Variants in PABPN1L observed in about 807,000 individuals in gnomAD.
PABPN1L encodes the protein PABPN1 like, cytoplasmic.
In PABPN1L, 45 loss-of-function variants were observed where a neutral mutation model predicts 34.0. That is an observed-to-expected ratio of 1.32 (90% CI 1.04 to 1.70). PABPN1L has a LOEUF of 1.70. PABPN1L is among the 40% of genes most tolerant of loss of function. The probability of loss-of-function intolerance (pLI) is 0.00; values close to 1 mark genes in which losing one functional copy is unlikely to be tolerated. For synonymous variants in PABPN1L, 182 were observed against 152.1 expected (o/e 1.20, Z -1.45); for missense variants, 459 against 367.8 (o/e 1.25, Z -2.03).
chr16:88,867,511 G>T (rs913448597), upstream of PABPN1L, among the ~76,000 whole-genome samples: 1 of 152,184 alleles, frequency 6.6e-6, no homozygotes, highest in South Asian at 2.1e-4. Context: ...GATTACAGGC[G>T]TGAGCACCGC....
upstream of PABPN1L, among the ~76,000 whole-genome samples, chr16:88,869,793 C>G (rs917256508): frequency 2.6e-5 from 4 of 152,262 alleles, no homozygotes; most frequent in Non-Finnish European, 5.9e-5. Flanking sequence ...TCATCCTCAC[C>G]CTGTCTGAGA....
At chr16:88,865,706 T>G in intron 2 of PABPN1L, 76 bp from the exon 3 acceptor site, 1 of 1,555,144 alleles carries the variant, frequency 6.4e-7, no homozygotes, top group Non-Finnish European at 8.7e-7. Flanking sequence ...TCGCCCAGGC[T>G]TATAGGGGAG....
chr16:88,863,787 C>A, exon 7 of PABPN1L: 1 of 1,536,046 alleles, frequency 6.5e-7, no homozygotes, highest in Non-Finnish European at 8.7e-7. Context: ...TGAGAATTTT[C>A]CACGGGCCCT....
At chr16:88,869,860 C>T (rs537597268), upstream of PABPN1L, among the ~76,000 whole-genome samples, 10 of 152,364 alleles carry the variant, frequency 6.6e-5, no homozygotes, top group South Asian at 6.2e-4. Context: ...AGGGGACAGA[C>T]GGCTCCGACC....
intron 5 of PABPN1L, among the ~76,000 whole-genome samples, 165 bp from the exon 6 acceptor site, chr16:88,864,544 C>T (rs560950305): frequency 6.9e-6 from 1 of 145,628 alleles, no homozygotes; most frequent in Non-Finnish European, 1.5e-5. Flanking sequence ...TCATATGACA[C>T]CCCGTCACGG....
upstream of PABPN1L, among the ~76,000 whole-genome samples, chr16:88,868,528 C>T (rs774631554): frequency 1.3e-5 from 2 of 152,142 alleles, no homozygotes; most frequent in Non-Finnish European, 2.9e-5. Context: ...ATCACTTGAA[C>T]CCGGGAGGCA....
upstream of PABPN1L, among the ~76,000 whole-genome samples, chr16:88,869,147 G>A (rs1471272640): frequency 6.6e-6 from 1 of 152,200 alleles, no homozygotes; most frequent in Non-Finnish European, 1.5e-5. Flanking sequence ...TTGGCTTAGT[G>A]CGTTTTAGGT....
At chr16:88,866,046 G>T (rs969350597) in intron 1 of PABPN1L, 105 bp from the exon 2 acceptor site, 11 of 1,439,048 alleles carry the variant, frequency 7.6e-6, no homozygotes, top group African/African-American at 1.4e-5. Context: ...GCCCCAAGGG[G>T]CAGCCCTTCT....
exon 4 of PABPN1L, chr16:88,865,042 C>T (rs1968556779): frequency 6.2e-7 from 1 of 1,600,870 alleles, no homozygotes; most frequent in Non-Finnish European, 8.5e-7. Context: ...GTCCAGAGAA[C>T]TTGTCACACA....
intron 3 of PABPN1L, 55 bp from the exon 4 acceptor site, chr16:88,865,183 CCTT>C: frequency 4.6e-6 from 7 of 1,526,568 alleles, no homozygotes; most frequent in Non-Finnish European, 6.2e-6. Flanking sequence ...TGACTCGGGG[CCTT>C]CTTGTTAGAG....
At chr16:88,869,837 C>A (rs1968665110), upstream of PABPN1L, among the ~76,000 whole-genome samples, 1 of 152,390 alleles carries the variant, frequency 6.6e-6, no homozygotes, top group South Asian at 2.1e-4. Flanking sequence ...AGGGCTCCTG[C>A]CAGCTGCCTG....
chr16:88,867,335 C>A (rs1341035102), upstream of PABPN1L, among the ~76,000 whole-genome samples: 1 of 151,240 alleles, frequency 6.6e-6, no homozygotes, highest in Non-Finnish European at 1.5e-5. Flanking sequence ...TCGGGTGATT[C>A]TCCTGCCTCA....
At chr16:88,863,702 G>GTGGT in exon 7 of PABPN1L, 1 of 1,526,170 alleles carries the variant, frequency 6.6e-7, no homozygotes, top group Non-Finnish European at 8.8e-7. Context: ...TGGAGCACAA[G>GTGGT]TGGTTTACTC....
intron 3 of PABPN1L, 70 bp downstream of exon 3, chr16:88,865,493 G>T: frequency 6.4e-7 from 1 of 1,551,186 alleles, no homozygotes; most frequent in Non-Finnish European, 8.7e-7. Flanking sequence ...GCCCATGGCC[G>T]GGCGCCAGAC....
In PABPN1L at chr16:88,863,731, CCT is replaced by C. The variant is rs374605063; in HGVS notation, c.*23_*24del. 548 of 1,535,786 alleles carry C rather than the reference CCT, an allele frequency of 3.6e-4. 4 individuals are homozygous for C. The East Asian group carries it at 0.01, about 28-fold the overall frequency. Reference sequence around the variant, plus strand: ...TTTACTCCTGATCCAGGCCCCAGCCCCTCTCTCAAAATCGGGTCTTCCCTTTA... The same window carrying C: ...TTTACTCCTGATCCAGGCCCCAGCCCCTCTCAAAATCGGGTCTTCCCTTTA... On this transcript the variant is annotated 3_prime_UTR_variant, in exon 7 of 7. Coordinates refer to ENST00000419291, the Ensembl canonical transcript of PABPN1L.
chr16:88,868,521 A>G (rs8062971), upstream of PABPN1L, among the ~76,000 whole-genome samples: 13,862 of 152,016 alleles, frequency 0.091, 1,623 homozygotes, highest in African/African-American at 0.27. Context: ...CAGGAGAATC[A>G]CTTGAACCCG....
chr16:88,868,826 T>G (rs1403772419), upstream of PABPN1L, among the ~76,000 whole-genome samples: 1 of 152,214 alleles, frequency 6.6e-6, no homozygotes, highest in East Asian at 1.9e-4. Context: ...GCTCAGCGAC[T>G]CTGCGTTTCC....
chr16:88,863,687 C>A lies in PABPN1L; in HGVS notation c.*69G>T, dbSNP rs1237355945. 5 of 1,510,788 alleles carry A rather than the reference C, an allele frequency of 3.3e-6. No homozygotes were observed. In the East Asian group the frequency reaches 1.2e-4, roughly 37 times the overall value. The allele number at this position is 1,510,788 out of a possible 1,614,324, so 93.6% of individuals were successfully genotyped here. On this transcript the variant is annotated 3_prime_UTR_variant, in exon 7 of 7. Transcript: ENST00000419291. Reference sequence around the variant, plus strand: ...CCCGCGCCACTCCCTGCCCCAGCCCCAGGATGGAGCACAAGTGGTTTACTC... The same window carrying A: ...CCCGCGCCACTCCCTGCCCCAGCCCAAGGATGGAGCACAAGTGGTTTACTC...
In PABPN1L at chr16:88,865,571, C is replaced by T. The variant is rs766715333; in HGVS notation, c.451G>A (p.Val151Met). ...CCCCGCCCACCACTCACGTTGCCCACGTAGACGGATCTGTGGTCAGCCTCC... is the reference window on the plus strand; with the variant it reads ...CCCCGCCCACCACTCACGTTGCCCATGTAGACGGATCTGTGGTCAGCCTCC... The change falls in exon 3 of 7, where the codon GTG (valine) becomes ATG (methionine). Residue 151 changes from valine to methionine, a missense_variant. Val to Met is a conservative substitution (Grantham distance 21). Transcript: ENST00000419291. 14 of 1,611,780 alleles carry T rather than the reference C, an allele frequency of 8.7e-6. No individual in the cohort carries two copies. Among genetic ancestry groups the T allele is most frequent in the East Asian group, 2.2e-5 (1 of 44,858 alleles).
Sources: allele counts gnomAD v4.1 joint callset (sites outside exome capture counted in the v4.1 genomes callset), GRCh38; gene constraint gnomAD v4.1.1; transcripts MANE v1.5; gene names NCBI Gene and HGNC (gene_info 2026-07-23, HGNC 2026-07-21).